The following AMD1 variants were observed in gnomAD, a reference collection of about 807,000 sequenced individuals.
AMD1 encodes the protein adenosylmethionine decarboxylase 1, also known as S-adenosylmethionine decarboxylase proenzyme.
A neutral mutation model predicts 40.2 loss-of-function variants in AMD1; 11 were observed. That is an observed-to-expected ratio of 0.27 (90% CI 0.17 to 0.45). AMD1 has a LOEUF of 0.45. AMD1 is among the 20% of genes least tolerant of loss of function. The probability of loss-of-function intolerance (pLI) is 1.00; values close to 1 mark genes in which losing one functional copy is unlikely to be tolerated. For synonymous variants in AMD1, 121 were observed against 130.8 expected, an observed-to-expected ratio of 0.93 and a Z score of 0.51; for missense variants, 257 against 410.2, an observed-to-expected ratio of 0.63 and a Z score of 3.23.
intron 4 of AMD1, chr6:110,891,917 A>G: frequency 1.9e-6 from 1 of 515,006 alleles, no homozygotes; most frequent in Non-Finnish European, 3.5e-6. Flanking sequence ...TACTTTTTGT[A>G]TTTTTAGTAG....
rs1785864199 is a variant in AMD1 at position 110,889,037 on chromosome 6, C to T, written c.324+54C>T. On this transcript the variant is annotated intron_variant, in intron 3 of 8. Coordinates refer to ENST00000368885, the MANE Select transcript of AMD1 (RefSeq NM_001634.6). ...CAGGCATAAATGTTAGCGTTCTTAT[C>T]CTGTAATATGCGAAGTAAATAAATT... 5 of 1,591,600 alleles carry T rather than the reference C, an allele frequency of 3.1e-6. No homozygotes were observed. In the Admixed American group the frequency reaches 8.8e-5, roughly 28 times the overall value.
chr6:110,881,525 C>T (rs182756133), intron 1 of AMD1, among the ~76,000 whole-genome samples: 13 of 152,174 alleles, frequency 8.5e-5, no homozygotes, highest in Non-Finnish European at 1.5e-4. Flanking sequence ...TTGTGTGCTT[C>T]GGGCCAGGCA....
the AMD1 span, among the ~76,000 whole-genome samples, chr6:110,859,369 T>C: frequency 1.3e-5 from 2 of 151,972 alleles, no homozygotes; most frequent in Non-Finnish European, 2.9e-5. Context: ...CGTATCCCCA[T>C]ACGTGTAGGG....
At chr6:110,826,652 G>C in the AMD1 span, among the ~76,000 whole-genome samples, 1 of 149,734 alleles carries the variant, frequency 6.7e-6, no homozygotes, top group South Asian at 2.1e-4. Context: ...TCTTCCCTCT[G>C]TATTTGTGTA....
the AMD1 span, among the ~76,000 whole-genome samples, chr6:110,829,604 G>A: frequency 6.6e-6 from 1 of 152,052 alleles, no homozygotes; most frequent in Non-Finnish European, 1.5e-5. Context: ...AGGAGGCAGA[G>A]CTTGCAGTGA....
chr6:110,874,147 G>A (rs1306703909), upstream of AMD1, among the ~76,000 whole-genome samples: 3 of 152,202 alleles, frequency 2.0e-5, no homozygotes, highest in Non-Finnish European at 4.4e-5. Flanking sequence ...TCTGAAATAG[G>A]AAGACAATGC....
At chr6:110,840,644 C>G in the AMD1 span, among the ~76,000 whole-genome samples, 1 of 151,324 alleles carries the variant, frequency 6.6e-6, no homozygotes, top group Non-Finnish European at 1.5e-5. Context: ...GAAACCAGTC[C>G]TCTCGGGTTT....
chr6:110,852,887 G>A, the AMD1 span, among the ~76,000 whole-genome samples: 2 of 151,920 alleles, frequency 1.3e-5, no homozygotes, highest in Admixed American at 1.3e-4. Flanking sequence ...ATTATTCTGG[G>A]GTGCGGAAGG....
At chr6:110,835,851 G>C in the AMD1 span, among the ~76,000 whole-genome samples, 2 of 150,948 alleles carry the variant, frequency 1.3e-5, no homozygotes, top group African/African-American at 4.9e-5. Context: ...GGCAACAAGA[G>C]CAAGACTCCA....
the AMD1 span, among the ~76,000 whole-genome samples, chr6:110,827,434 C>T: frequency 6.6e-6 from 1 of 151,984 alleles, no homozygotes; most frequent in Non-Finnish European, 1.5e-5. Context: ...TGAGCCACTG[C>T]ACTGGGACCT....
chr6:110,827,260 G>GACAGGATATC, the AMD1 span, among the ~76,000 whole-genome samples: 4 of 151,912 alleles, frequency 2.6e-5, no homozygotes, highest in African/African-American at 9.7e-5. Context: ...GATATCCATG[G>GACAGGATATC]ACAGGACTTT....
intron 1 of AMD1, among the ~76,000 whole-genome samples, chr6:110,885,269 G>A (rs916459040): frequency 1.3e-5 from 2 of 151,616 alleles, no homozygotes; most frequent in African/African-American, 4.9e-5. Flanking sequence ...CCACCACTAC[G>A]CCCAGCTAAT....
At chr6:110,849,304 C>T in the AMD1 span, among the ~76,000 whole-genome samples, 2 of 152,138 alleles carry the variant, frequency 1.3e-5, no homozygotes, top group African/African-American at 4.8e-5. Flanking sequence ...CCACCACCTA[C>T]AGTAAAAAGG....
chr6:110,828,485 T>G, the AMD1 span, among the ~76,000 whole-genome samples: 1 of 150,906 alleles, frequency 6.6e-6, no homozygotes, highest in South Asian at 2.1e-4. Context: ...AAACCTGCAA[T>G]AAAAGAAAAA....
At chr6:110,840,703 A>G in the AMD1 span, among the ~76,000 whole-genome samples, 1 of 118,584 alleles carries the variant, frequency 8.4e-6, no homozygotes, top group Non-Finnish European at 1.6e-5. Context: ...GGTATAGAGC[A>G]GGGCCCTCTC....
intron 1 of AMD1, among the ~76,000 whole-genome samples, chr6:110,884,632 A>G (rs565510902): frequency 2.0e-5 from 3 of 152,014 alleles, no homozygotes; most frequent in Admixed American, 6.6e-5. Context: ...GGCTATTGCT[A>G]TGTTGCCCAG....
chr6:110,887,399 AT>A (rs1412618562), intron 1 of AMD1, 105 bp from the exon 2 acceptor site: 1 of 689,534 alleles, frequency 1.5e-6, no homozygotes, highest in Non-Finnish European at 2.4e-6. Flanking sequence ...GGTGTACAAT[AT>A]TAATTAAAAA....
At chr6:110,882,758 G>A (rs1023981717) in intron 1 of AMD1, among the ~76,000 whole-genome samples, 2 of 152,034 alleles carry the variant, frequency 1.3e-5, no homozygotes, top group South Asian at 2.1e-4. Flanking sequence ...TCTGATTACC[G>A]GAGCATTACT....
the AMD1 span, among the ~76,000 whole-genome samples, chr6:110,868,444 C>T: frequency 9.2e-5 from 14 of 152,080 alleles, no homozygotes; most frequent in East Asian, 7.7e-4. Flanking sequence ...CCACCGGGCC[C>T]GGACGTCTTT....
Sources: gnomAD v4.1 joint callset for allele counts (sites outside exome capture counted in the v4.1 genomes callset) on GRCh38, gnomAD v4.1.1 for gene constraint, MANE v1.5 for transcripts, NCBI Gene and HGNC (gene_info 2026-07-23, HGNC 2026-07-21) for gene names.